Variants in NAALADL2 observed in about 807,000 individuals in gnomAD.
NAALADL2 encodes the protein N-acetylated alpha-linked acidic dipeptidase like 2.
A neutral mutation model predicts 87.2 loss-of-function variants in NAALADL2; 76 were observed. The observed-to-expected ratio is 0.87, with a 90% CI of 0.72 to 1.05. The LOEUF (loss-of-function observed/expected upper bound fraction) is 1.05, where lower values mean the gene tolerates loss of function less well. NAALADL2 is among the 50% of genes least tolerant of loss of function. NAALADL2 has a pLI of 0.00. For synonymous variants in NAALADL2, 354 were observed against 331.0 expected (o/e 1.07, Z -0.75); for missense variants, 1,089 against 945.8 (o/e 1.15, Z -1.99).
At chr3:174,641,394 G>A (rs1294711274) in intron 2 of NAALADL2, among the ~76,000 whole-genome samples, 1 of 152,120 alleles carries the variant, frequency 6.6e-6, no homozygotes, top group Non-Finnish European at 1.5e-5. Context: ...GGACTCACAG[G>A]ACTTAGCCTG....
chr3:175,739,739 A>T (rs17355228), intron 12 of NAALADL2, among the ~76,000 whole-genome samples: 35,727 of 152,174 alleles, frequency 0.23, 4,436 homozygotes, highest in Middle Eastern at 0.31. Flanking sequence ...GCAGTTAGAT[A>T]AATAAACCAA....
intron 11 of NAALADL2, among the ~76,000 whole-genome samples, chr3:175,661,071 A>G (rs181565453): frequency 7.9e-5 from 12 of 152,190 alleles, no homozygotes; most frequent in Non-Finnish European, 1.6e-4. Context: ...AAGAACCCCC[A>G]TACTCTATTC....
chr3:175,443,249 C>G (rs2149209738), intron 5 of NAALADL2, among the ~76,000 whole-genome samples: 1 of 152,238 alleles, frequency 6.6e-6, no homozygotes, highest in Admixed American at 6.5e-5. Flanking sequence ...GTCTATCAGT[C>G]ATGCAGCACA....
chr3:175,165,654 G>A (rs1733890880), intron 2 of NAALADL2, among the ~76,000 whole-genome samples: 1 of 152,052 alleles, frequency 6.6e-6, no homozygotes, highest in Non-Finnish European at 1.5e-5. Flanking sequence ...AATTAACTTA[G>A]TGTGTGGTGC....
chr3:175,563,483 T>A (rs1214745078), intron 9 of NAALADL2, among the ~76,000 whole-genome samples: 1 of 152,216 alleles, frequency 6.6e-6, no homozygotes, highest in Admixed American at 6.5e-5. Context: ...ACTCCGAGTC[T>A]AATTATTTTC....
chr3:175,180,898 T>C (rs1241405946), intron 2 of NAALADL2, among the ~76,000 whole-genome samples: 1 of 152,054 alleles, frequency 6.6e-6, no homozygotes, highest in Non-Finnish European at 1.5e-5. Flanking sequence ...TGAGGTTAAA[T>C]AATTTGCCCA....
chr3:174,865,645 G>A (rs921356350), intron 1 of NAALADL2, among the ~76,000 whole-genome samples: 20 of 152,036 alleles, frequency 1.3e-4, no homozygotes, highest in African/African-American at 4.1e-4. Context: ...GGTAGACATT[G>A]CTTCCATTCT....
At chr3:175,012,970 TATATATATACACAAAA>T (rs1750050589) in intron 1 of NAALADL2, among the ~76,000 whole-genome samples, 1 of 139,272 alleles carries the variant, frequency 7.2e-6, no homozygotes, top group Non-Finnish European at 1.5e-5. Flanking sequence ...TGTGTGTGTA[TATATATATACACAAAA>T]ATATATATAC....
chr3:175,126,979 TTAA>T (rs1316440286), intron 2 of NAALADL2, among the ~76,000 whole-genome samples: 1 of 151,904 alleles, frequency 6.6e-6, no homozygotes, highest in Non-Finnish European at 1.5e-5. Context: ...TAATATTCAG[TTAA>T]TATGGGTCTG....
intron 2 of NAALADL2, among the ~76,000 whole-genome samples, chr3:174,634,918 T>A (rs2108709240): frequency 6.6e-6 from 1 of 152,314 alleles, no homozygotes; most frequent in African/African-American, 2.4e-5. Context: ...TTTTCTGTAT[T>A]TATTGAGATT....
intron 5 of NAALADL2, among the ~76,000 whole-genome samples, chr3:175,419,000 GTTTTC>G (rs2047110869): frequency 6.6e-6 from 1 of 150,896 alleles, no homozygotes; most frequent in African/African-American, 2.4e-5. Flanking sequence ...TCACTTTTCT[GTTTTC>G]TTTTTCTTTT....
At chr3:175,667,888 C>G (rs1560945119) in intron 11 of NAALADL2, among the ~76,000 whole-genome samples, 2 of 151,886 alleles carry the variant, frequency 1.3e-5, no homozygotes, top group South Asian at 4.2e-4. Context: ...CTCTTAAAAT[C>G]TACCCTATTC....
At chr3:175,452,930 G>C (rs1487193567) in intron 6 of NAALADL2, among the ~76,000 whole-genome samples, 1 of 152,068 alleles carries the variant, frequency 6.6e-6, no homozygotes, top group African/African-American at 2.4e-5. Context: ...TACCAAAGGT[G>C]ACGCAGATCT....
chr3:175,411,826 A>G (rs755395298), intron 5 of NAALADL2, among the ~76,000 whole-genome samples: 5 of 152,082 alleles, frequency 3.3e-5, no homozygotes, highest in Non-Finnish European at 7.4e-5. Context: ...TGTGTTCAAC[A>G]ATGGGAGATC....
Position 175,805,316 on chromosome 3 carries a change from C to G in NAALADL2, c.*2113C>G, listed in dbSNP as rs1486425853. The G allele has an allele frequency of 6.6e-6, 1 of 151,840 alleles. No individual in the cohort carries two copies. The highest frequency in any genetic ancestry group is 6.6e-5 in the Admixed American group (1 of 15,188). 9.4% of individuals were successfully genotyped at this position (151,840 alleles called of 1,614,324 possible). On this transcript the variant is annotated 3_prime_UTR_variant, in exon 14 of 14. Transcript: ENST00000454872. ...TTCATTTTGTTTAAAGATTGCGTAC[C>G]TAGGTAAGTCACACTGTATAGATAA...
chr3:175,024,497 A>T (rs1361215722), intron 1 of NAALADL2, among the ~76,000 whole-genome samples: 5 of 152,154 alleles, frequency 3.3e-5, no homozygotes, highest in African/African-American at 1.2e-4. Context: ...GAGAAAATAC[A>T]AAATCATTGT....
rs1327353873 is a variant in NAALADL2 at position 175,338,613 on chromosome 3, AAC to A, written c.1090+14291_1090+14292del. The stretch of plus-strand genomic sequence containing the variant: ...AAAAACCAAAAAAAAAAAAAAAAAA[AAC>A]ACCACAAACACACACACACACACAC... On this transcript the variant is annotated intron_variant, in intron 5 of 13. Coordinates refer to ENST00000454872, the MANE Select transcript of NAALADL2 (RefSeq NM_207015.3). 4.6e-3 allele frequency among the ~76,000 whole-genome samples: 426 copies of A among 92,408 alleles called. 26 individuals are homozygous for A. The highest frequency in any genetic ancestry group is 0.022 in the East Asian group (30 of 1,358). 60.6% of individuals were successfully genotyped at this position (92,408 alleles called of 152,430 possible).
chr3:175,761,985 AGTT>A (rs1049856107), intron 13 of NAALADL2, among the ~76,000 whole-genome samples: 2 of 152,150 alleles, frequency 1.3e-5, no homozygotes, highest in African/African-American at 2.4e-5. Flanking sequence ...GCAGAGCAGA[AGTT>A]GTTAATTTTA....
intron 13 of NAALADL2, among the ~76,000 whole-genome samples, chr3:175,789,338 T>C (rs1482171422): frequency 6.6e-6 from 1 of 152,222 alleles, no homozygotes; most frequent in Non-Finnish European, 1.5e-5. Context: ...TATTAAAATG[T>C]AGACTCTTTT....
Sources: gnomAD v4.1 joint callset for allele counts (sites outside exome capture counted in the v4.1 genomes callset) on GRCh38, gnomAD v4.1.1 for gene constraint, MANE v1.5 for transcripts, NCBI Gene and HGNC (gene_info 2026-07-23, HGNC 2026-07-21) for gene names.